Variants in PTPN20 observed in about 807,000 individuals in gnomAD.
PTPN20 encodes the protein tyrosine-protein phosphatase non-receptor type 20.
Under a neutral mutation model 35.0 loss-of-function variants are expected in PTPN20, and 9 were observed. The ratio of observed to expected loss-of-function variants is 0.26; its 90% CI spans 0.15 to 0.45. The LOEUF (loss-of-function observed/expected upper bound fraction) is 0.45, where lower values mean the gene tolerates loss of function less well. Among genes scored for constraint, PTPN20 ranks in the 20% least tolerant of loss-of-function variants. The pLI is 1.00. For missense variants in PTPN20, 111 were observed against 312.5 expected (o/e 0.36, Z 4.86); for synonymous variants, 32 against 100.2 (o/e 0.32, Z 4.06).
chr10:46,982,220 T>G (rs2055629253), intron 7 of PTPN20, among the ~76,000 whole-genome samples: 2 of 152,036 alleles, frequency 1.3e-5, no homozygotes, highest in Admixed American at 6.6e-5. Flanking sequence ...CAAGTTACTT[T>G]GTACAGATTC....
chr10:46,944,667 G>A (rs1321431694), intron 4 of PTPN20, among the ~76,000 whole-genome samples: 67 of 127,710 alleles, frequency 5.2e-4, no homozygotes, highest in Non-Finnish European at 8.4e-4. Context: ...TTTTGTATGC[G>A]TATTGTATGA....
At chr10:46,923,547 A>T (rs2036111836) in intron 1 of PTPN20, among the ~76,000 whole-genome samples, 2 of 150,744 alleles carry the variant, frequency 1.3e-5, no homozygotes, top group Non-Finnish European at 2.9e-5. Flanking sequence ...ATTTATATGG[A>T]TACTGTATTC....
chr10:46,920,321 A>C (rs1178683647), intron 1 of PTPN20, among the ~76,000 whole-genome samples: 1 of 97,736 alleles, frequency 1.0e-5, no homozygotes, highest in Non-Finnish European at 1.9e-5. Flanking sequence ...ATACAGAAGG[A>C]GCCAAGAAAT....
intron 2 of PTPN20, among the ~76,000 whole-genome samples, chr10:46,933,517 C>T (rs1486177083): frequency 3.5e-5 from 5 of 143,926 alleles, no homozygotes; most frequent in African/African-American, 1.1e-4. Flanking sequence ...CTTTTGTGAG[C>T]CTGGATTCCA....
intron 9 of PTPN20, among the ~76,000 whole-genome samples, chr10:46,995,333 CTTTTT>C (rs878968027): frequency 1.2e-5 from 1 of 85,658 alleles, no homozygotes; most frequent in Non-Finnish European, 2.2e-5. Context: ...TTTTTTTTTT[CTTTTT>C]TTTTTTTTTT....
At position 46,932,415 on chromosome 10, in the gene PTPN20, T is replaced by A; in HGVS notation, c.-85T>A. ...GTTTGCTGGCCCCCAGGATACTAACTAGACCTTTGGCCTGACTCACAGGAC... is the reference window on the plus strand; with the variant it reads ...GTTTGCTGGCCCCCAGGATACTAACAAGACCTTTGGCCTGACTCACAGGAC... On this transcript the variant is annotated 5_prime_UTR_variant, in exon 2 of 11. Coordinates refer to ENST00000374339, the MANE Select transcript of PTPN20 (RefSeq NM_001042357.5). 6.2e-7 allele frequency: 1 copy of A among 1,611,622 alleles called. No individual in the cohort carries two copies. Among genetic ancestry groups the A allele is most frequent in the Non-Finnish European group, 8.5e-7 (1 of 1,179,718 alleles).
chr10:47,000,793 C>T lies in PTPN20; in HGVS notation c.*52C>T, dbSNP rs1437299088. The T allele has an allele frequency of 1.9e-6, 3 of 1,599,968 alleles. No homozygotes were observed. The highest frequency in any genetic ancestry group is 4.5e-5 in the East Asian group (2 of 44,802). On this transcript the variant is annotated 3_prime_UTR_variant, in exon 11 of 11. Coordinates refer to ENST00000374339, the MANE Select transcript of PTPN20 (RefSeq NM_001042357.5). ...AAATTACCAAGTGGGTTTGCACCTC[C>T]TCATAAAGAACATGTTTGCACTGTG...
At chr10:46,940,166 TATAATTTA>T (rs1396219837) in intron 2 of PTPN20, among the ~76,000 whole-genome samples, 1 of 149,032 alleles carries the variant, frequency 6.7e-6, no homozygotes, top group Admixed American at 6.8e-5. Flanking sequence ...CAATTTTCTG[TATAATTTA>T]ACATATTACT....
intron 7 of PTPN20, among the ~76,000 whole-genome samples, chr10:46,980,172 TTCC>T (rs2054934814): frequency 8.3e-6 from 1 of 120,010 alleles, no homozygotes; most frequent in Admixed American, 9.0e-5. Flanking sequence ...TATCTGGCTC[TTCC>T]TACAAGCAAA....
At chr10:46,968,197 GATATGTGCTAC>G in intron 7 of PTPN20, 150 bp downstream of exon 7, 1 of 287,346 alleles carries the variant, frequency 3.5e-6, no homozygotes, top group African/African-American at 5.6e-5. Context: ...CATATTCTAA[GATATGTGCTAC>G]ATATGAGAGA....
intron 10 of PTPN20, 34 bp from the exon 11 acceptor site, chr10:47,000,642 A>T (rs1398179843): frequency 1.6e-5 from 25 of 1,608,888 alleles, no homozygotes; most frequent in Non-Finnish European, 2.1e-5. Flanking sequence ...TCAATTACTT[A>T]ACATTCTGTT....
chr10:46,995,808 A>G lies in PTPN20; in HGVS notation c.1135-4104A>G, dbSNP rs1208585892. On this transcript the variant is annotated intron_variant, in intron 9 of 10. Coordinates refer to ENST00000374339, the MANE Select transcript of PTPN20 (RefSeq NM_001042357.5). ...CATGAATCAGGTGGAGATTTTTTGC[A>G]CTCTTGGTGCTGGGCAAATTGGAGA... 5.3e-5 allele frequency among the ~76,000 whole-genome samples: 8 copies of G among 151,828 alleles called. No homozygotes were observed. The East Asian group carries it at 1.6e-3, about 29-fold the overall frequency.
At chr10:46,949,113 T>C (rs2045890304) in intron 5 of PTPN20, among the ~76,000 whole-genome samples, 1 of 151,922 alleles carries the variant, frequency 6.6e-6, no homozygotes, top group Non-Finnish European at 1.5e-5. Context: ...AGGCTTTTGT[T>C]CTGGGAGAAA....
Position 47,002,107 on chromosome 10 carries a change from C to A in PTPN20, c.*1366C>A, listed in dbSNP as rs2138412533. 6.6e-6 allele frequency: 1 copy of A among 151,864 alleles called. No individual in the cohort carries two copies. The highest frequency in any genetic ancestry group is 1.9e-4 in the East Asian group (1 of 5,168). 9.4% of individuals were successfully genotyped at this position (151,864 alleles called of 1,614,324 possible). ...TTCTCATTGTAAAAATAATTATATG[C>A]CAAAAATATATTTGATGTTAAATCA... On this transcript the variant is annotated 3_prime_UTR_variant, in exon 11 of 11. Coordinates refer to ENST00000374339, the MANE Select transcript of PTPN20 (RefSeq NM_001042357.5).
rs1175241996 is a variant in PTPN20 at position 46,925,781 on chromosome 10, A to G, written c.-123-6596A>G. Among the ~76,000 whole-genome samples the G allele has an allele frequency of 3.3e-5, 5 of 151,680 alleles. 1 individual carries two copies. Among genetic ancestry groups the G allele is most frequent in the African/African-American group, 1.2e-4 (5 of 41,000 alleles). ...ATGGTCTTCAGTGTTTTAAAGAGAA[A>G]GTTTATGGACTTAAAAAATTTTGTA... is the stretch of plus-strand genomic sequence containing the variant. On this transcript the variant is annotated intron_variant, in intron 1 of 10. Coordinates refer to ENST00000374339, the MANE Select transcript of PTPN20 (RefSeq NM_001042357.5).
At chr10:46,968,624 C>T (rs1277295664) in intron 7 of PTPN20, among the ~76,000 whole-genome samples, 7 of 152,346 alleles carry the variant, frequency 4.6e-5, no homozygotes, top group African/African-American at 1.7e-4. Flanking sequence ...AGAATCAAAA[C>T]ACAGCAATGC....
chr10:46,999,313 G>A (rs972849037), intron 9 of PTPN20, among the ~76,000 whole-genome samples: 3 of 152,120 alleles, frequency 2.0e-5, no homozygotes, highest in South Asian at 4.1e-4. Context: ...CACCTGAGCT[G>A]GTCTATATCC....
At chr10:46,991,718 A>G (rs1306374582) in intron 9 of PTPN20, among the ~76,000 whole-genome samples, 2 of 145,352 alleles carry the variant, frequency 1.4e-5, no homozygotes, top group Non-Finnish European at 3.0e-5. Flanking sequence ...TATTGTTTGG[A>G]GTTTATTTTA....
At chr10:46,975,733 C>T (rs2053344201) in intron 7 of PTPN20, among the ~76,000 whole-genome samples, 1 of 152,170 alleles carries the variant, frequency 6.6e-6, no homozygotes, top group South Asian at 2.1e-4. Flanking sequence ...ATAGTCTCAG[C>T]TCACCGCACC....
Sources: allele counts gnomAD v4.1 joint callset (sites outside exome capture counted in the v4.1 genomes callset), GRCh38; gene constraint gnomAD v4.1.1; transcripts MANE v1.5; gene names NCBI Gene and HGNC (gene_info 2026-07-23, HGNC 2026-07-21).